The following KATNAL2 variants were observed in gnomAD, a reference collection of about 807,000 sequenced individuals.
KATNAL2 encodes katanin catalytic subunit A1 like 2, also known as katanin p60 ATPase-containing subunit A-like 2.
KATNAL2 carries 52 observed loss-of-function variants against 76.3 expected under a neutral mutation model. The ratio of observed to expected loss-of-function variants is 0.68; its 90% CI spans 0.55 to 0.86. The LOEUF is 0.86. KATNAL2 is among the 40% of genes least tolerant of loss of function. The pLI, the probability that KATNAL2 is intolerant of heterozygous loss-of-function variation, is 0.00. For synonymous variants in KATNAL2, 243 were observed against 244.2 expected, an observed-to-expected ratio of 1.00 and a Z score of 0.05; for missense variants, 660 against 668.9, an observed-to-expected ratio of 0.99 and a Z score of 0.15.
At position 47,053,042 on chromosome 18, in the gene KATNAL2, C is replaced by T. The variant is rs1403428258; in HGVS notation, c.285C>T (p.Asp95=). 2.5e-6 allele frequency: 4 copies of T among 1,596,012 alleles called. No individual in the cohort carries two copies. The highest frequency in any genetic ancestry group is 3.4e-6 in the Non-Finnish European group (4 of 1,172,296). The part of the protein sequence containing the change: ...KYPKIVKKSS[D]TAENNLPQRS... ...CCAAAATTGTCAAAAAGTCATCAGA[C>T]ACAGGTACATGCCTATTTTCTAGAG... Residue 95 remains aspartate, a synonymous_variant, in exon 5 of 18, where the codon GAC becomes GAT. Coordinates refer to ENST00000683218, the MANE Select transcript of KATNAL2 (RefSeq NM_001387690.1).
chr18:47,063,097 C>A (rs752256261), intron 9 of KATNAL2, 27 bp downstream of exon 9: 1 of 1,584,216 alleles, frequency 6.3e-7, no homozygotes, highest in South Asian at 1.1e-5. Context: ...TGACATTCAT[C>A]TTTCAAATTG....
At chr18:47,040,380 TAGA>T (rs2060922857) in intron 3 of KATNAL2, among the ~76,000 whole-genome samples, 1 of 152,158 alleles carries the variant, frequency 6.6e-6, no homozygotes, top group Non-Finnish European at 1.5e-5. Context: ...TGATATAAAG[TAGA>T]AGATTATCTC....
chr18:47,033,931 C>A, intron 3 of KATNAL2: 2 of 1,612,866 alleles, frequency 1.2e-6, no homozygotes, highest in East Asian at 4.5e-5. Context: ...GGAATCAGCG[C>A]CGGCCGCCTG....
intron 1 of KATNAL2, among the ~76,000 whole-genome samples, chr18:46,941,131 T>G (rs1266206068): frequency 2.6e-5 from 4 of 152,126 alleles, no homozygotes; most frequent in African/African-American, 4.8e-5. Context: ...TGAAACCAGC[T>G]TGGCCAACAT....
chr18:46,937,409 A>T (rs374731580), intron 1 of KATNAL2, among the ~76,000 whole-genome samples: 2 of 151,828 alleles, frequency 1.3e-5, no homozygotes, highest in African/African-American at 4.8e-5. Flanking sequence ...TTTTCTATTT[A>T]TTTTTATTTT....
chr18:47,039,314 A>G (rs1470019049), intron 3 of KATNAL2, among the ~76,000 whole-genome samples: 1 of 152,136 alleles, frequency 6.6e-6, no homozygotes, highest in Non-Finnish European at 1.5e-5. Flanking sequence ...ATATACTTCC[A>G]TTGCCTTGAT....
At chr18:47,062,802 T>A (rs1031859996) in intron 8 of KATNAL2, among the ~76,000 whole-genome samples, 170 bp from the exon 9 acceptor site, 1 of 152,254 alleles carries the variant, frequency 6.6e-6, no homozygotes. Context: ...GTGCTCCAAC[T>A]TGAGGAAATC....
intron 10 of KATNAL2, among the ~76,000 whole-genome samples, chr18:47,065,193 C>T (rs56055727): frequency 0.026 from 3,940 of 152,272 alleles, 63 homozygotes; most frequent in Non-Finnish European, 0.041. Flanking sequence ...GATGCAGTGG[C>T]TCACACCTAC....
chr18:46,950,558 T>C (rs1035057907), intron 3 of KATNAL2, among the ~76,000 whole-genome samples: 7 of 152,236 alleles, frequency 4.6e-5, no homozygotes, highest in East Asian at 1.9e-4. Context: ...CTTAAAATTA[T>C]AATAGTTCAA....
chr18:47,059,824 T>A (rs2061579675), intron 8 of KATNAL2, among the ~76,000 whole-genome samples, 170 bp downstream of exon 8: 1 of 151,992 alleles, frequency 6.6e-6, no homozygotes, highest in South Asian at 2.1e-4. Flanking sequence ...TTCTTTGGAA[T>A]CTCCTTTCTG....
At chr18:46,957,006 C>T (rs937667419) in intron 3 of KATNAL2, among the ~76,000 whole-genome samples, 4 of 142,068 alleles carry the variant, frequency 2.8e-5, no homozygotes, top group African/African-American at 1.1e-4. Flanking sequence ...TCATGCCATT[C>T]AGCCTGGGAC....
chr18:47,101,669 T>A lies in KATNAL2; in HGVS notation c.*664T>A, dbSNP rs1271562668. 1 of 152,938 alleles carries A rather than the reference T, an allele frequency of 6.5e-6. No individual in the cohort carries two copies. The allele number at this position is 152,938 out of a possible 1,614,324, so 9.5% of individuals were successfully genotyped here. A position where few individuals can be genotyped will look rare whatever the true frequency, so the allele number is the denominator to read the frequency against. ...AGCTGCCAGTCTGATTGTTTTGGGT[T>A]CTGGCCCCCAATAACATCTTTTCAC... On this transcript the variant is annotated 3_prime_UTR_variant, in exon 18 of 18. Coordinates refer to ENST00000683218, the MANE Select transcript of KATNAL2 (RefSeq NM_001387690.1).
At chr18:46,955,140 C>CTCTCTCTCTT (rs1555834717) in intron 3 of KATNAL2, among the ~76,000 whole-genome samples, 13 of 85,072 alleles carry the variant, frequency 1.5e-4, no homozygotes, top group African/African-American at 5.4e-4. Context: ...CTTTCTCTCT[C>CTCTCTCTCTT]TCTTTCTTTC....
At position 47,063,624 on chromosome 18, in the gene KATNAL2, GA is replaced by G. The variant is rs561190716; in HGVS notation, c.726+264del. On this transcript the variant is annotated intron_variant, in intron 10 of 17. Coordinates refer to ENST00000683218, the MANE Select transcript of KATNAL2 (RefSeq NM_001387690.1). ...AGAGAAAAAGACTTAGGAATGAAGGGACAGGTGAAAGGTTTTATAGCAGAGC... is the reference window on the plus strand; with the variant it reads ...AGAGAAAAAGACTTAGGAATGAAGGGCAGGTGAAAGGTTTTATAGCAGAGC... Among the ~76,000 whole-genome samples the G allele has an allele frequency of 4.6e-5, 7 of 152,262 alleles. No individual in the cohort carries two copies. In the South Asian group the frequency reaches 1.2e-3, roughly 27 times the overall value.
At chr18:46,960,456 G>T (rs1418974812) in intron 3 of KATNAL2, among the ~76,000 whole-genome samples, 2 of 151,384 alleles carry the variant, frequency 1.3e-5, no homozygotes, top group Non-Finnish European at 2.9e-5. Context: ...CAGCAGTTTT[G>T]CTAAGATGAA....
Position 47,065,448 on chromosome 18 carries a change from C to CG in KATNAL2, c.727-1565dup, listed in dbSNP as rs1408526251. On this transcript the variant is annotated intron_variant, in intron 10 of 17. Transcript: ENST00000683218. The stretch of plus-strand genomic sequence containing the variant: ...CAGATTTTGGTATGGGGGAGAGTGT[C>CG]GGGGGGGGAACAGGGAGAGGTTCTG... Among the ~76,000 whole-genome samples, 329 of 121,406 alleles carry CG rather than the reference C, an allele frequency of 2.7e-3. 1 individual carries two copies. Among genetic ancestry groups the CG allele is most frequent in the African/African-American group, 7.9e-3 (248 of 31,450 alleles). 79.6% of individuals were successfully genotyped at this position (121,406 alleles called of 152,430 possible).
At chr18:46,934,567 G>C (rs1231053099) in intron 1 of KATNAL2, among the ~76,000 whole-genome samples, 1 of 152,056 alleles carries the variant, frequency 6.6e-6, no homozygotes, top group Non-Finnish European at 1.5e-5. Flanking sequence ...CAGATGAGTA[G>C]GTTGCAAAAA....
chr18:47,067,699 G>T (rs533111305), intron 11 of KATNAL2, among the ~76,000 whole-genome samples: 27 of 152,206 alleles, frequency 1.8e-4, no homozygotes, highest in Non-Finnish European at 3.1e-4. Flanking sequence ...TTTACAAATG[G>T]GTTAATGAGG....
intron 1 of KATNAL2, among the ~76,000 whole-genome samples, chr18:46,936,832 G>A (rs2146596251): frequency 6.6e-6 from 1 of 152,222 alleles, no homozygotes; most frequent in Admixed American, 6.5e-5. Flanking sequence ...GCGGGTGCCT[G>A]TAATCCCAGC....
Sources: allele counts gnomAD v4.1 joint callset (sites outside exome capture counted in the v4.1 genomes callset), GRCh38; gene constraint gnomAD v4.1.1; transcripts MANE v1.5; gene names NCBI Gene and HGNC (gene_info 2026-07-23, HGNC 2026-07-21).